The following SPAG9 variants were observed in gnomAD, a reference collection of about 807,000 sequenced individuals.
The protein encoded by SPAG9 is sperm associated antigen 9, also known as C-Jun-amino-terminal kinase-interacting protein 4.
SPAG9 carries 35 observed loss-of-function variants against 166.5 expected under a neutral mutation model. The ratio of observed to expected loss-of-function variants is 0.21; its 90% CI spans 0.16 to 0.28. SPAG9 has a LOEUF of 0.28. Among genes scored for constraint, SPAG9 ranks in the 10% least tolerant of loss-of-function variants. The pLI is 1.00. For synonymous variants in SPAG9, 534 were observed against 565.5 expected (o/e 0.94, Z 0.79); for missense variants, 1,235 against 1,603.3 (o/e 0.77, Z 3.92).
In SPAG9 at chr17:50,964,607, A is replaced by G. The variant is rs1404525406; in HGVS notation, c.*1665T>C. The G allele has an allele frequency of 8.1e-6, 2 of 245,404 alleles. No homozygotes were observed. The highest frequency in any genetic ancestry group is 5.6e-5 in the Admixed American group (1 of 17,742). The allele number at this position is 245,404 out of a possible 1,614,324, so 15.2% of individuals were successfully genotyped here. A position where few individuals can be genotyped will look rare whatever the true frequency, so the allele number is the denominator to read the frequency against. On this transcript the variant is annotated 3_prime_UTR_variant, in exon 30 of 30. Coordinates refer to ENST00000262013, the MANE Select transcript of SPAG9 (RefSeq NM_001130528.3). The stretch of plus-strand genomic sequence containing the variant: ...CGTCTCAAAAAAAAAAAAAAAAATC[A>G]TATTTAGCTTTGCCTAGAGTAATAG...
At chr17:50,974,588 A>T (rs1307448386) in intron 28 of SPAG9, among the ~76,000 whole-genome samples, 183 bp downstream of exon 28, 2 of 152,208 alleles carry the variant, frequency 1.3e-5, no homozygotes, top group Non-Finnish European at 2.9e-5. Context: ...AGATATTCCA[A>T]AGTAACTTCA....
intron 27 of SPAG9, among the ~76,000 whole-genome samples, chr17:50,975,613 A>T (rs1279320677): frequency 6.6e-6 from 1 of 152,186 alleles, no homozygotes; most frequent in African/African-American, 2.4e-5. Context: ...TCATGTTTAT[A>T]CTGGAAGGAA....
intron 3 of SPAG9, among the ~76,000 whole-genome samples, chr17:51,049,236 A>G (rs62062972): frequency 2.0e-5 from 3 of 151,758 alleles, no homozygotes; most frequent in South Asian, 4.2e-4. Context: ...ACTAGCAGGC[A>G]CTCGCCTATA....
intron 18 of SPAG9, among the ~76,000 whole-genome samples, chr17:50,994,443 A>C (rs1415098899): frequency 2.6e-5 from 4 of 152,096 alleles, no homozygotes; most frequent in Non-Finnish European, 4.4e-5. Flanking sequence ...TATCAATATT[A>C]ATTAGTAGAT....
chr17:50,996,408 G>T (rs1319221720), intron 16 of SPAG9, 157 bp downstream of exon 16: 1 of 760,694 alleles, frequency 1.3e-6, no homozygotes, highest in African/African-American at 1.8e-5. Context: ...CTAGAAAACA[G>T]CCTGAAAACC....
intron 3 of SPAG9, among the ~76,000 whole-genome samples, chr17:51,053,854 A>ATATATATATATATAT (rs1491529465): frequency 5.8e-5 from 2 of 34,452 alleles, no homozygotes; most frequent in Admixed American, 4.8e-4. Flanking sequence ...AAAAAAAAAA[A>ATATATATATATATAT]GTATATATAT....
In SPAG9 at chr17:50,975,711, T is replaced by TA. The variant is rs370326620; in HGVS notation, c.3524-765dup. Among the ~76,000 whole-genome samples, 1,358 of 139,262 alleles carry TA rather than the reference T, an allele frequency of 9.8e-3. 7 individuals carry two copies. Among genetic ancestry groups the TA allele is most frequent in the Non-Finnish European group, 0.012 (742 of 63,486 alleles). 91.4% of individuals were successfully genotyped at this position (139,262 alleles called of 152,430 possible). The stretch of plus-strand genomic sequence containing the variant: ...AGTTTGGTGGCCATGTAACAAACAT[T>TA]AAAAAAAAAAAAAAGACACCTGCTG... On this transcript the variant is annotated intron_variant, in intron 27 of 29. Coordinates refer to ENST00000262013, the MANE Select transcript of SPAG9 (RefSeq NM_001130528.3).
At chr17:51,006,269 C>G in intron 10 of SPAG9, 32 bp from the exon 11 acceptor site, 1 of 1,599,026 alleles carries the variant, frequency 6.3e-7, no homozygotes, top group Non-Finnish European at 8.6e-7. Flanking sequence ...TGCATCATTA[C>G]AAATAAATAT....
chr17:50,979,800 T>C lies in SPAG9; in HGVS notation c.3355A>G (p.Thr1119Ala), dbSNP rs1974461251. 6.2e-7 allele frequency: 1 copy of C among 1,614,170 alleles called. No homozygotes were observed. Among genetic ancestry groups the C allele is most frequent in the Non-Finnish European group, 8.5e-7 (1 of 1,179,996 alleles). ...TCCACATCCTGTAGATGTTGATAAG[T>C]GTGTGCATGATAGAGACGGAGCGTA... Reference protein sequence around the residue: ...DSTLRLYHAHTYQHLQDVDIE... With the variant: ...DSTLRLYHAHAYQHLQDVDIE... Residue 1119 changes from threonine (T) to alanine (A), a missense_variant, in exon 26 of 30, where the codon ACT becomes GCT. Thr to Ala is a moderately conservative substitution (Grantham distance 58). This residue lies in a region of SPAG9 where 243 missense variants were observed against 358.6 expected (regional missense o/e 0.68). Transcript: ENST00000262013.
chr17:51,047,014 C>T, intron 4 of SPAG9: 1 of 1,180,600 alleles, frequency 8.5e-7, no homozygotes. Flanking sequence ...GCTAGCTAAC[C>T]CTTTCAAACA....
intron 19 of SPAG9, 35 bp from the exon 20 acceptor site, chr17:50,990,703 ACTT>A (rs1352522572): frequency 6.5e-7 from 1 of 1,541,176 alleles, no homozygotes; most frequent in African/African-American, 1.4e-5. Flanking sequence ...AGCAAAGTAA[ACTT>A]CTATAAATAA....
At chr17:50,993,230 C>G (rs887901693) in intron 19 of SPAG9, among the ~76,000 whole-genome samples, 1 of 149,096 alleles carries the variant, frequency 6.7e-6, no homozygotes, top group Middle Eastern at 3.5e-3. Context: ...GCAGGAGAAT[C>G]ACTTGAACCT....
chr17:51,035,119 G>A (rs1008614829), intron 5 of SPAG9, among the ~76,000 whole-genome samples: 1 of 152,122 alleles, frequency 6.6e-6, no homozygotes, highest in Non-Finnish European at 1.5e-5. Context: ...AGACCAACCT[G>A]GGCAACATAG....
chr17:50,990,892 A>C (rs1975487560), intron 19 of SPAG9: 2 of 477,680 alleles, frequency 4.2e-6, no homozygotes, highest in Non-Finnish European at 7.5e-6. Context: ...AAACATAAAA[A>C]TGTCAGAAAA....
intron 29 of SPAG9, among the ~76,000 whole-genome samples, chr17:50,969,577 G>A (rs1225328171): frequency 6.6e-6 from 1 of 151,864 alleles, no homozygotes; most frequent in African/African-American, 2.4e-5. Flanking sequence ...TTCTTAATCT[G>A]GTATGTAAAG....
At position 50,968,212 on chromosome 17, in the gene SPAG9, A is replaced by T. The variant is rs1973505694; in HGVS notation, c.3851-1825T>A. 3.3e-5 allele frequency among the ~76,000 whole-genome samples: 5 copies of T among 152,326 alleles called. No individual in the cohort carries two copies. The South Asian group carries it at 1.0e-3, about 32-fold the overall frequency. On this transcript the variant is annotated intron_variant, in intron 29 of 29. Coordinates refer to ENST00000262013, the MANE Select transcript of SPAG9 (RefSeq NM_001130528.3). Reference sequence around the variant, plus strand: ...CACACTAACAGCCTTCCCCTCTTAAAAGTGTCAACAAACTTTTTGCATCAG... The same window carrying T: ...CACACTAACAGCCTTCCCCTCTTAATAGTGTCAACAAACTTTTTGCATCAG...
At chr17:51,060,402 C>G (rs1247346922) in intron 2 of SPAG9, among the ~76,000 whole-genome samples, 3 of 151,004 alleles carry the variant, frequency 2.0e-5, no homozygotes, top group Non-Finnish European at 4.4e-5. Context: ...ACTCGGGAGG[C>G]TGAGGCAGGA....
intron 6 of SPAG9, among the ~76,000 whole-genome samples, chr17:51,026,917 C>T (rs966609284): frequency 6.6e-6 from 1 of 151,810 alleles, no homozygotes; most frequent in Non-Finnish European, 1.5e-5. Context: ...CTCAGGTGAT[C>T]CGCCTGCCTC....
chr17:51,036,286 A>G (rs1397351032), intron 5 of SPAG9, among the ~76,000 whole-genome samples: 3 of 152,000 alleles, frequency 2.0e-5, no homozygotes, highest in Non-Finnish European at 4.4e-5. Flanking sequence ...TCCTCTTTTT[A>G]TGATTTACAG....
Sources: allele counts gnomAD v4.1 joint callset (sites outside exome capture counted in the v4.1 genomes callset), GRCh38; gene constraint gnomAD v4.1.1; regional missense constraint gnomAD v4.1.1; transcripts MANE v1.5; gene names NCBI Gene and HGNC (gene_info 2026-07-23, HGNC 2026-07-21).